KIAA0825: variants seen among roughly 807,000 people sequenced by gnomAD.
The protein encoded by KIAA0825 is uncharacterized protein KIAA0825.
Under a neutral mutation model 147.6 loss-of-function variants are expected in KIAA0825, and 119 were observed. The observed-to-expected ratio is 0.81, with a 90% confidence interval of 0.69 to 0.94. The LOEUF is 0.94. Ranked by LOEUF, KIAA0825 falls within the 40% of genes least tolerant of loss-of-function variation. KIAA0825 has a pLI of 0.00. For missense variants in KIAA0825, 1,381 were observed against 1,472.7 expected (o/e 0.94, Z 1.02); for synonymous variants, 470 against 518.1 (o/e 0.91, Z 1.26).
At chr5:94,454,462 A>C (rs2150918739) in intron 12 of KIAA0825, among the ~76,000 whole-genome samples, 1 of 152,268 alleles carries the variant, frequency 6.6e-6, no homozygotes, top group African/African-American at 2.4e-5. Context: ...CATTTTTTAG[A>C]CTTTAATATA....
chr5:94,467,249 TTAAAC>T (rs1760665877), intron 10 of KIAA0825, among the ~76,000 whole-genome samples: 1 of 152,244 alleles, frequency 6.6e-6, no homozygotes, highest in African/African-American at 2.4e-5. Context: ...AGGGTTTTCA[TTAAAC>T]TAAATGTGGT....
At chr5:94,261,329 A>AATAC (rs1010716997) in intron 20 of KIAA0825, among the ~76,000 whole-genome samples, 6 of 152,166 alleles carry the variant, frequency 3.9e-5, no homozygotes, top group East Asian at 1.9e-4. Flanking sequence ...AAAATAAATA[A>AATAC]ATACATACAT....
chr5:94,345,678 C>T (rs1403086237), intron 20 of KIAA0825, among the ~76,000 whole-genome samples: 1 of 152,044 alleles, frequency 6.6e-6, no homozygotes, highest in Non-Finnish European at 1.5e-5. Flanking sequence ...ATTTTCTTCC[C>T]TTTAGAAAAT....
intron 20 of KIAA0825, among the ~76,000 whole-genome samples, chr5:94,254,864 T>C (rs180790703): frequency 3.0e-4 from 46 of 152,128 alleles, no homozygotes; most frequent in Middle Eastern, 3.4e-3. Flanking sequence ...TATGTCACTA[T>C]ATTATCACAT....
At chr5:94,247,514 T>G (rs1388361539) in intron 20 of KIAA0825, among the ~76,000 whole-genome samples, 1 of 150,968 alleles carries the variant, frequency 6.6e-6, no homozygotes, top group Non-Finnish European at 1.5e-5. Context: ...AGCTTAGATG[T>G]CAGGAAGATG....
intron 20 of KIAA0825, among the ~76,000 whole-genome samples, chr5:94,328,575 C>T (rs925049758): frequency 6.6e-6 from 1 of 151,778 alleles, no homozygotes. Context: ...AAAGAAATAA[C>T]AGGAATAAAG....
intron 14 of KIAA0825, among the ~76,000 whole-genome samples, chr5:94,421,305 C>T (rs1388643699): frequency 6.6e-6 from 1 of 152,244 alleles, no homozygotes; most frequent in Non-Finnish European, 1.5e-5. Flanking sequence ...GGGGCTCCCC[C>T]AGAACAGTGG....
chr5:94,592,792 G>A (rs550675036), intron 1 of KIAA0825: 17 of 421,886 alleles, frequency 4.0e-5, no homozygotes, highest in African/African-American at 3.5e-4. Flanking sequence ...TGTTTGCCTA[G>A]ACTCATTGGT....
chr5:94,221,035 A>G (rs760389499), intron 20 of KIAA0825, among the ~76,000 whole-genome samples: 10 of 152,218 alleles, frequency 6.6e-5, no homozygotes, highest in Non-Finnish European at 1.5e-4. Context: ...CTAATTTTGT[A>G]ATAGAAACAT....
At chr5:94,594,782 C>T in intron 1 of KIAA0825, 1 of 561,220 alleles carries the variant, frequency 1.8e-6, no homozygotes, top group Non-Finnish European at 3.4e-6. Flanking sequence ...TTAGAGAAGT[C>T]GAATCATGAT....
chr5:94,190,610 C>T (rs1386328307), intron 20 of KIAA0825, among the ~76,000 whole-genome samples: 2 of 149,796 alleles, frequency 1.3e-5, no homozygotes, highest in African/African-American at 4.9e-5. Flanking sequence ...TTCATAGGTG[C>T]CCCTAATCAA....
intron 20 of KIAA0825, among the ~76,000 whole-genome samples, chr5:94,243,654 C>A (rs1032158817): frequency 1.3e-5 from 2 of 152,092 alleles, no homozygotes; most frequent in Non-Finnish European, 2.9e-5. Context: ...CTCCTAGGTC[C>A]ATAAAATCTT....
chr5:94,304,631 CA>C (rs1327692224), intron 20 of KIAA0825, among the ~76,000 whole-genome samples: 1 of 151,652 alleles, frequency 6.6e-6, no homozygotes, highest in African/African-American at 2.4e-5. Flanking sequence ...CAACAGAGGC[CA>C]AAGTGAGCCA....
At chr5:94,157,083 A>C (rs1646385928) in intron 20 of KIAA0825, among the ~76,000 whole-genome samples, 1 of 152,190 alleles carries the variant, frequency 6.6e-6, no homozygotes, top group African/African-American at 2.4e-5. Flanking sequence ...AATTTCCCCT[A>C]ATATATTTAA....
chr5:94,471,435 T>G, intron 9 of KIAA0825, 31 bp downstream of exon 9: 1 of 1,544,574 alleles, frequency 6.5e-7, no homozygotes, highest in Non-Finnish European at 8.8e-7. Flanking sequence ...TCTTTAAGCG[T>G]GGCCATCATC....
At chr5:94,211,500 A>T (rs1772703865) in intron 20 of KIAA0825, among the ~76,000 whole-genome samples, 1 of 152,128 alleles carries the variant, frequency 6.6e-6, no homozygotes, top group African/African-American at 2.4e-5. Context: ...TCACATGGTC[A>T]GTGTTCCTTG....
At chr5:94,481,642 A>G (rs1762509901) in intron 6 of KIAA0825, among the ~76,000 whole-genome samples, 1 of 152,086 alleles carries the variant, frequency 6.6e-6, no homozygotes, top group Non-Finnish European at 1.5e-5. Flanking sequence ...AATGAGCTTT[A>G]CAAACCCTAG....
At chr5:94,320,212 T>C (rs1780028311) in intron 20 of KIAA0825, among the ~76,000 whole-genome samples, 1 of 152,044 alleles carries the variant, frequency 6.6e-6, no homozygotes, top group Non-Finnish European at 1.5e-5. Context: ...TGATACATAA[T>C]ATTTGTACAT....
intron 1 of KIAA0825, among the ~76,000 whole-genome samples, chr5:94,604,294 G>A (rs1019749221): frequency 2.0e-5 from 3 of 152,214 alleles, no homozygotes; most frequent in African/African-American, 7.2e-5. Context: ...GTTCATGCCT[G>A]TAATCCCAGC....
Sources: gnomAD v4.1 joint callset for allele counts (sites outside exome capture counted in the v4.1 genomes callset) on GRCh38, gnomAD v4.1.1 for gene constraint, MANE v1.5 for transcripts, NCBI Gene and HGNC (gene_info 2026-07-23, HGNC 2026-07-21) for gene names.